The following CALN1 variants were observed in gnomAD, a reference collection of about 807,000 sequenced individuals.
The protein encoded by CALN1 is calcium-binding protein 8.
Under a neutral mutation model 30.6 loss-of-function variants are expected in CALN1, and 17 were observed. The observed-to-expected ratio is 0.56, with a 90% CI of 0.38 to 0.83. The LOEUF is 0.83. Among genes scored for constraint, CALN1 ranks in the 40% least tolerant of loss-of-function variants. The probability of loss-of-function intolerance (pLI) is 0.00; values close to 1 mark genes in which losing one functional copy is unlikely to be tolerated. For missense variants in CALN1, 291 were observed against 354.9 expected, an observed-to-expected ratio of 0.82 and a Z score of 1.45; for synonymous variants, 156 against 131.4, an observed-to-expected ratio of 1.19 and a Z score of -1.28.
At chr7:72,298,210 T>C (rs1799001427) in intron 2 of CALN1, among the ~76,000 whole-genome samples, 1 of 142,688 alleles carries the variant, frequency 7.0e-6, no homozygotes, top group Admixed American at 6.9e-5. Context: ...GTGTAGATCA[T>C]TTGACTGTTT....
At chr7:72,319,028 C>A (rs1479891080) in intron 2 of CALN1, among the ~76,000 whole-genome samples, 4 of 152,136 alleles carry the variant, frequency 2.6e-5, no homozygotes, top group African/African-American at 4.8e-5. Context: ...AATCCCACTA[C>A]TGGGTATCTA....
chr7:71,831,665 C>T (rs1045544472), intron 5 of CALN1, among the ~76,000 whole-genome samples: 10 of 151,202 alleles, frequency 6.6e-5, no homozygotes, highest in Non-Finnish European at 1.5e-4. Flanking sequence ...GTGGGCGGAT[C>T]ACTTGAGCTC....
chr7:72,011,108 G>A (rs1348791900), intron 5 of CALN1, among the ~76,000 whole-genome samples: 2 of 150,946 alleles, frequency 1.3e-5, no homozygotes, highest in East Asian at 3.9e-4. Flanking sequence ...AGCCGAGATG[G>A]CGCCACTGCA....
At chr7:72,437,938 CTCCCTTCCT>C (rs964400973) in intron 1 of CALN1, among the ~76,000 whole-genome samples, 1 of 146,734 alleles carries the variant, frequency 6.8e-6, no homozygotes, top group Non-Finnish European at 1.5e-5. Flanking sequence ...CCTTCCCTCT[CTCCCTTCCT>C]TCCTTCCTTC....
rs1397748792 is a variant in CALN1, at chr7:72,134,280, TTC to T, written c.245-27988_245-27987del. ...ACTTCCAGAATTGTGGGAAATAAAT[TTC>T]TGTTCTTTATAAATTACCCAGTAAT... is the stretch of plus-strand genomic sequence containing the variant. On this transcript the variant is annotated intron_variant, in intron 3 of 6. Coordinates refer to ENST00000395275, the MANE Select transcript of CALN1 (RefSeq NM_031468.4). 3.3e-5 allele frequency among the ~76,000 whole-genome samples: 5 copies of T among 152,314 alleles called. No homozygotes were observed. The East Asian group carries it at 7.7e-4, about 23-fold the overall frequency.
rs1382600999 is a variant in CALN1 at position 71,780,671 on chromosome 7, T to C, written c.*7104A>G. On this transcript the variant is annotated 3_prime_UTR_variant, in exon 7 of 7. Coordinates refer to ENST00000395275, the MANE Select transcript of CALN1 (RefSeq NM_031468.4). ...ATAATTACAAGCTACTATCAACATA[T>C]ACTGGAAGTGCTGTTATAGTGGCCA... The C allele has an allele frequency of 1.3e-5, 2 of 151,396 alleles. No individual in the cohort carries two copies. The highest frequency in any genetic ancestry group is 2.4e-5 in the African/African-American group (1 of 41,168). The allele number at this position is 151,396 out of a possible 1,614,324, so 9.4% of individuals were successfully genotyped here. A position where few individuals can be genotyped will look rare whatever the true frequency, so the allele number is the denominator to read the frequency against.
chr7:71,946,495 G>C lies in CALN1; in HGVS notation c.501+77162C>G, dbSNP rs112222517. On this transcript the variant is annotated intron_variant, in intron 5 of 6. Transcript: ENST00000395275. The stretch of plus-strand genomic sequence containing the variant: ...TGATCCTCCTGCCTCAGCCTCTCGA[G>C]TAGCTAGGACTACAGGTGCACGCCA... Among the ~76,000 whole-genome samples, 1,392 of 151,620 alleles carry C rather than the reference G, an allele frequency of 9.2e-3. 19 individuals are homozygous for C. Among genetic ancestry groups the C allele is most frequent in the African/African-American group, 0.031 (1,270 of 41,306 alleles).
At chr7:71,812,929 C>CATCATCATCATCATTATT (rs1287091997) in intron 5 of CALN1, among the ~76,000 whole-genome samples, 6 of 136,506 alleles carry the variant, frequency 4.4e-5, no homozygotes, top group Non-Finnish European at 9.3e-5. Flanking sequence ...TCATCATCAT[C>CATCATCATCATCATTATT]ATTATTATTA....
At chr7:72,044,833 C>T (rs1018529899) in intron 4 of CALN1, among the ~76,000 whole-genome samples, 1 of 151,778 alleles carries the variant, frequency 6.6e-6, no homozygotes, top group African/African-American at 2.4e-5. Context: ...TTCCCCAGGC[C>T]GATCTCCACC....
At chr7:71,860,157 A>T (rs1791188428) in intron 5 of CALN1, among the ~76,000 whole-genome samples, 1 of 151,730 alleles carries the variant, frequency 6.6e-6, no homozygotes. Flanking sequence ...CTTTCGGGAA[A>T]GCCCTGCTCT....
At chr7:72,271,575 A>AAAAAAAAAAAATATAT in intron 3 of CALN1, among the ~76,000 whole-genome samples, 3 of 52,132 alleles carry the variant, frequency 5.8e-5, no homozygotes, top group African/African-American at 4.0e-4. Flanking sequence ...AAAAAAAAAA[A>AAAAAAAAAAAATATAT]ATATATATAT....
At chr7:71,900,617 T>C (rs1284399563) in intron 5 of CALN1, among the ~76,000 whole-genome samples, 2 of 152,124 alleles carry the variant, frequency 1.3e-5, no homozygotes, top group Admixed American at 1.3e-4. Flanking sequence ...GCAACACAAA[T>C]GGGGCCAAAC....
At chr7:71,884,361 G>A (rs1465960406) in intron 5 of CALN1, among the ~76,000 whole-genome samples, 6 of 152,118 alleles carry the variant, frequency 3.9e-5, no homozygotes, top group African/African-American at 1.4e-4. Context: ...TAAGCTGCCT[G>A]TTTCCCTTCC....
intron 3 of CALN1, among the ~76,000 whole-genome samples, chr7:72,161,976 T>C (rs1788144433): frequency 6.6e-6 from 1 of 151,344 alleles, no homozygotes; most frequent in African/African-American, 2.4e-5. Flanking sequence ...GAGGCAAATC[T>C]AGGAACTGAA....
intron 4 of CALN1, among the ~76,000 whole-genome samples, chr7:72,090,915 G>C (rs567183956): frequency 5.3e-5 from 8 of 152,264 alleles, no homozygotes; most frequent in African/African-American, 1.9e-4. Context: ...GATGATTATA[G>C]GGGCAAGGAT....
At chr7:72,246,952 C>T (rs956242310) in intron 3 of CALN1, among the ~76,000 whole-genome samples, 2 of 152,022 alleles carry the variant, frequency 1.3e-5, no homozygotes, top group Non-Finnish European at 2.9e-5. Context: ...CAGGGTTTCT[C>T]CATGTTGGTC....
intron 3 of CALN1, among the ~76,000 whole-genome samples, chr7:72,213,325 C>T (rs1477132974): frequency 1.3e-5 from 2 of 152,220 alleles, no homozygotes; most frequent in Non-Finnish European, 2.9e-5. Context: ...GAATTATTTG[C>T]TGTGTGTCTT....
intron 1 of CALN1, among the ~76,000 whole-genome samples, chr7:72,404,744 G>A (rs890361652): frequency 6.6e-6 from 1 of 152,296 alleles, no homozygotes; most frequent in South Asian, 2.1e-4. Context: ...GCTCTTAGAA[G>A]ATCAGGCTCA....
chr7:72,147,485 G>GTGGAGAAATAGGAACACGC (rs1786849775), intron 3 of CALN1, among the ~76,000 whole-genome samples: 1 of 88,818 alleles, frequency 1.1e-5, no homozygotes, highest in Admixed American at 1.0e-4. Flanking sequence ...GGAGAGGACT[G>GTGGAGAAATAGGAACACGC]TTACACTGTT....
Sources: gnomAD v4.1 joint callset for allele counts (sites outside exome capture counted in the v4.1 genomes callset) on GRCh38, gnomAD v4.1.1 for gene constraint, MANE v1.5 for transcripts, NCBI Gene and HGNC (gene_info 2026-07-23, HGNC 2026-07-21) for gene names.